The following PUDP variants were observed in gnomAD, a reference collection of about 807,000 sequenced individuals.
PUDP encodes pseudouridine 5'-phosphatase.
PUDP carries 8 observed loss-of-function variants against 9.4 expected under a neutral mutation model. That is an observed-to-expected ratio of 0.85 (90% CI 0.50 to 1.53). The LOEUF is 1.53. Ranked by LOEUF, PUDP falls within the 40% of genes most tolerant of loss-of-function variation. The probability of loss-of-function intolerance (pLI) is 0.00; values close to 1 mark genes in which losing one functional copy is unlikely to be tolerated. For missense variants in PUDP, 188 were observed against 189.7 expected, an observed-to-expected ratio of 0.99 and a Z score of 0.05; for synonymous variants, 99 against 80.7, an observed-to-expected ratio of 1.23 and a Z score of -1.22.
intron 3 of PUDP, among the ~76,000 whole-genome samples, chrX:6,954,362 T>C (rs1928596337): frequency 9.0e-6 from 1 of 111,065 alleles, no homozygotes; most frequent in Non-Finnish European, 1.9e-5. Context: ...CCAGTCCTGA[T>C]TGACAGTGCT....
At chrX:7,114,437 C>G (rs1208470607) in intron 1 of PUDP, among the ~76,000 whole-genome samples, 20 of 111,714 alleles carry the variant, frequency 1.8e-4, no homozygotes, top group Admixed American at 1.5e-3. Flanking sequence ...ATTCATCCAA[C>G]AACTCACTAA....
chrX:7,113,598 A>G (rs552845696), intron 1 of PUDP, among the ~76,000 whole-genome samples: 1 of 112,823 alleles, frequency 8.9e-6, no homozygotes, highest in Non-Finnish European at 1.9e-5. Context: ...CTTTAATTAA[A>G]AAACCCAACA....
intron 1 of PUDP, among the ~76,000 whole-genome samples, chrX:7,000,119 G>A (rs907190836): frequency 4.9e-5 from 4 of 81,416 alleles, no homozygotes; most frequent in Non-Finnish European, 7.2e-5. Context: ...AAAAGAGAGC[G>A]AGAGCAAGAG....
At chrX:7,107,778 A>T (rs1329643219) in intron 1 of PUDP, among the ~76,000 whole-genome samples, 2 of 112,831 alleles carry the variant, frequency 1.8e-5, no homozygotes, top group Non-Finnish European at 3.8e-5. Context: ...CAGTGAGCCA[A>T]GATCGTGCCA....
At chrX:7,102,369 T>C (rs897743030) in intron 2 of PUDP, among the ~76,000 whole-genome samples, 3 of 107,531 alleles carry the variant, frequency 2.8e-5, no homozygotes, top group Admixed American at 1.0e-4. Flanking sequence ...GAAAACGCAT[T>C]TGAAAAGCTC....
intron 3 of PUDP, among the ~76,000 whole-genome samples, chrX:6,847,113 T>G (rs1018624294): frequency 8.9e-6 from 1 of 111,937 alleles, no homozygotes; most frequent in African/African-American, 3.2e-5. Context: ...TGAATGATTT[T>G]AAAGGCATTA....
chrX:6,861,390 A>G (rs1317174691), intron 3 of PUDP, among the ~76,000 whole-genome samples: 1 of 111,921 alleles, frequency 8.9e-6, no homozygotes, highest in Non-Finnish European at 1.9e-5. Context: ...TTAACTGTGT[A>G]TGGGACTCAT....
intron 3 of PUDP, among the ~76,000 whole-genome samples, chrX:6,829,361 T>C (rs1178000372): frequency 8.9e-6 from 1 of 112,007 alleles, no homozygotes; most frequent in East Asian, 2.8e-4. Context: ...AAATTTCAAC[T>C]CCTTTGAATA....
At chrX:7,116,781 G>C (rs1170175264) in intron 1 of PUDP, among the ~76,000 whole-genome samples, 1 of 111,791 alleles carries the variant, frequency 8.9e-6, no homozygotes, top group Admixed American at 9.5e-5. Flanking sequence ...TTGGAGGCAG[G>C]GCTTGGTGGG....
intron 1 of PUDP, among the ~76,000 whole-genome samples, chrX:7,004,539 T>C (rs752032554): frequency 1.8e-5 from 2 of 112,209 alleles, no homozygotes; most frequent in Non-Finnish European, 3.8e-5. Flanking sequence ...CATACAAACA[T>C]ATACAATGTA....
chrX:6,762,463 G>C (rs147455086), intron 3 of PUDP, among the ~76,000 whole-genome samples: 252 of 111,584 alleles, frequency 2.3e-3, no homozygotes, highest in African/African-American at 7.3e-3. Flanking sequence ...TTTTTCTCCT[G>C]TTGGCTCAGA....
chrX:7,022,253 C>G (rs1270249276), intron 1 of PUDP, among the ~76,000 whole-genome samples: 1 of 111,801 alleles, frequency 8.9e-6, no homozygotes, highest in Non-Finnish European at 1.9e-5. Flanking sequence ...CAGAGCCCTT[C>G]TGTATGTGTT....
chrX:6,981,513 T>C (rs1256106307), intron 1 of PUDP, among the ~76,000 whole-genome samples: 1 of 111,814 alleles, frequency 8.9e-6, no homozygotes, highest in Non-Finnish European at 1.9e-5. Context: ...AATTAAAAGT[T>C]TCATCAGAGA....
chrX:6,727,081 C>T lies in PUDP; in HGVS notation c.*248-20615G>A, dbSNP rs1358926059. Among the ~76,000 whole-genome samples the T allele has an allele frequency of 7.2e-5, 8 of 110,828 alleles. No individual in the cohort carries two copies. The Admixed American group carries it at 7.7e-4, about 11-fold the overall frequency. On this transcript the variant is annotated intron_variant and NMD_transcript_variant, in intron 3 of 3. Transcript: ENST00000655425. ...AGGTATATATATTTGAAAATTTTTT[C>T]TTGGGAAAGAAGAAGAAATAATGCT...
chrX:6,785,012 C>T (rs1925624248), intron 3 of PUDP, among the ~76,000 whole-genome samples: 1 of 112,609 alleles, frequency 8.9e-6, no homozygotes, highest in African/African-American at 3.2e-5. Flanking sequence ...AATCGCTACA[C>T]AGCATCTTCA....
At chrX:6,767,093 T>C (rs1190886230) in intron 3 of PUDP, among the ~76,000 whole-genome samples, 1 of 113,090 alleles carries the variant, frequency 8.8e-6, no homozygotes, top group Non-Finnish European at 1.9e-5. Context: ...GTATTTTCCA[T>C]ATTTTAAAAG....
chrX:7,108,709 AT>A (rs201152074), intron 1 of PUDP, among the ~76,000 whole-genome samples: 1,309 of 111,664 alleles, frequency 0.012, 11 homozygotes, highest in Non-Finnish European at 0.018. Flanking sequence ...CACAAGCTGT[AT>A]TTTTTTCATT....
intron 3 of PUDP, among the ~76,000 whole-genome samples, chrX:6,794,145 T>C (rs1008427814): frequency 4.5e-5 from 5 of 112,259 alleles, no homozygotes; most frequent in Admixed American, 2.8e-4. Context: ...AATACAGTCA[T>C]GTGTTGCTTA....
At chrX:6,960,098 C>T (rs766943736) in intron 3 of PUDP, among the ~76,000 whole-genome samples, 49 of 112,092 alleles carry the variant, frequency 4.4e-4, no homozygotes, top group Non-Finnish European at 8.5e-4. Flanking sequence ...AGACTTTGGA[C>T]TTTTGACTTG....
Sources: gnomAD v4.1 joint callset for allele counts (sites outside exome capture counted in the v4.1 genomes callset) on GRCh38, gnomAD v4.1.1 for gene constraint, MANE v1.5 for transcripts, NCBI Gene and HGNC (gene_info 2026-07-23, HGNC 2026-07-21) for gene names.